Variants in RAB20 observed in about 807,000 individuals in gnomAD.
The protein encoded by RAB20 is RAB20, member RAS oncogene family.
RAB20 carries 2 observed loss-of-function variants against 3.7 expected under a neutral mutation model. That is an observed-to-expected ratio of 0.54 (90% confidence interval 0.22 to 1.69). RAB20 has a LOEUF of 1.69. RAB20 is among the 40% of genes most tolerant of loss of function. The probability of loss-of-function intolerance (pLI) is 0.19; values close to 1 mark genes in which losing one functional copy is unlikely to be tolerated. For synonymous variants in RAB20, 126 were observed against 130.8 expected (o/e 0.96, Z 0.25); for missense variants, 276 against 311.9 (o/e 0.88, Z 0.87).
intron 1 of RAB20, among the ~76,000 whole-genome samples, chr13:110,527,900 T>TACACACACACACACACACAC (rs61582404): frequency 3.0e-4 from 42 of 138,214 alleles, no homozygotes; most frequent in East Asian, 6.7e-4. Flanking sequence ...TCTCTACAAA[T>TACACACACACACACACACAC]ACACACACAC....
chr13:110,524,104 A>G lies in RAB20; in HGVS notation c.266T>C (p.Val89Ala). 1 of 1,613,188 alleles carries G rather than the reference A, an allele frequency of 6.2e-7. No individual in the cohort carries two copies. Among genetic ancestry groups the G allele is most frequent in the Non-Finnish European group, 8.5e-7 (1 of 1,179,984 alleles). ...GCCCAGGAACCGGTCCTCCAGCTCC[A>G]CCAGGCTCTGCCGGTGATTCACATC... ...TYDVNHRQSL[V>A]ELEDRFLGLT... Residue 89 changes from valine (V) to alanine (A), a missense_variant, in exon 2 of 2, where the codon GTG (valine) becomes GCG (alanine). Coordinates refer to ENST00000267328, the MANE Select transcript of RAB20 (RefSeq NM_017817.3).
intron 1 of RAB20, among the ~76,000 whole-genome samples, chr13:110,548,158 G>T (rs1884887763): frequency 1.4e-5 from 2 of 148,132 alleles, no homozygotes; most frequent in African/African-American, 5.0e-5. Flanking sequence ...ACATCTTTTT[G>T]ATCCAACAAT....
intron 1 of RAB20, among the ~76,000 whole-genome samples, chr13:110,527,445 G>C (rs958811768): frequency 6.6e-6 from 1 of 152,188 alleles, no homozygotes; most frequent in African/African-American, 2.4e-5. Flanking sequence ...GCCCAGACCA[G>C]CTCCGGTAGG....
At chr13:110,553,446 A>G (rs1025114315) in intron 1 of RAB20, among the ~76,000 whole-genome samples, 1 of 152,218 alleles carries the variant, frequency 6.6e-6, no homozygotes, top group Non-Finnish European at 1.5e-5. Context: ...TCTCCTTTAC[A>G]CAACCCAACC....
intron 1 of RAB20, among the ~76,000 whole-genome samples, chr13:110,554,537 C>T (rs1170164815): frequency 6.6e-6 from 1 of 152,206 alleles, no homozygotes; most frequent in Non-Finnish European, 1.5e-5. Context: ...CTCAGACAGA[C>T]AGCAGTTCAC....
chr13:110,535,165 A>T (rs1435432969), intron 1 of RAB20, among the ~76,000 whole-genome samples: 1 of 152,218 alleles, frequency 6.6e-6, no homozygotes, highest in Non-Finnish European at 1.5e-5. Flanking sequence ...GAGATGGAGA[A>T]TGTAGTGAGA....
chr13:110,529,465 C>G (rs994531677), intron 1 of RAB20, among the ~76,000 whole-genome samples: 3 of 152,194 alleles, frequency 2.0e-5, no homozygotes, highest in Non-Finnish European at 4.4e-5. Context: ...AATCGTGAAG[C>G]CAAAGCACTG....
intron 1 of RAB20, among the ~76,000 whole-genome samples, chr13:110,557,042 T>G (rs1411867329): frequency 6.6e-6 from 1 of 152,128 alleles, no homozygotes; most frequent in Admixed American, 6.5e-5. Context: ...TGAACAGCCC[T>G]GCTGGTGAGG....
intron 1 of RAB20, among the ~76,000 whole-genome samples, chr13:110,540,006 T>C (rs527854574): frequency 6.6e-6 from 1 of 152,382 alleles, no homozygotes; most frequent in Non-Finnish European, 1.5e-5. Context: ...GTTCCACCTG[T>C]GGCCCACTAC....
chr13:110,524,584 C>T (rs967268345), intron 1 of RAB20, among the ~76,000 whole-genome samples: 3 of 152,198 alleles, frequency 2.0e-5, no homozygotes, highest in Non-Finnish European at 4.4e-5. Flanking sequence ...TGCCAAGGCC[C>T]TTGCTGAGAT....
intron 1 of RAB20, among the ~76,000 whole-genome samples, chr13:110,526,314 T>C (rs561276805): frequency 2.0e-5 from 3 of 152,358 alleles, no homozygotes; most frequent in Non-Finnish European, 2.9e-5. Flanking sequence ...CCAGGCCCCA[T>C]TCCAATCCCT....
intron 1 of RAB20, among the ~76,000 whole-genome samples, chr13:110,530,649 G>C (rs9515243): frequency 4.4e-5 from 1 of 22,674 alleles, no homozygotes; most frequent in Non-Finnish European, 7.8e-5. Flanking sequence ...GGTCCCACCC[G>C]CCCCACCTCT....
rs112495792 is a variant in RAB20 at position 110,533,640 on chromosome 13, T to A, written c.173-9443A>T. Reference sequence around the variant, plus strand: ...GAGGTTGGGCTGCAGTGAGCTGGGATACTGCCACTGCACTCTAGCCCGGGC... The same window carrying A: ...GAGGTTGGGCTGCAGTGAGCTGGGAAACTGCCACTGCACTCTAGCCCGGGC... On this transcript the variant is annotated intron_variant, in intron 1 of 1. Coordinates refer to ENST00000267328, the MANE Select transcript of RAB20 (RefSeq NM_017817.3). Among the ~76,000 whole-genome samples, 889 of 152,298 alleles carry A rather than the reference T, an allele frequency of 5.8e-3. 10 individuals carry two copies. Among genetic ancestry groups the A allele is most frequent in the African/African-American group, 0.02 (847 of 41,566 alleles).
intron 1 of RAB20, among the ~76,000 whole-genome samples, chr13:110,539,855 C>T (rs922378701): frequency 3.9e-5 from 6 of 152,182 alleles, no homozygotes; most frequent in Admixed American, 6.5e-5. Flanking sequence ...CCACCGCGCC[C>T]GGCCACATCA....
intron 1 of RAB20, among the ~76,000 whole-genome samples, chr13:110,549,613 C>T (rs1481876876): frequency 6.6e-6 from 1 of 152,248 alleles, no homozygotes; most frequent in Non-Finnish European, 1.5e-5. Flanking sequence ...GAGGGTCCTG[C>T]CCCATACCCT....
intron 1 of RAB20, among the ~76,000 whole-genome samples, chr13:110,534,317 C>T (rs775337981): frequency 1.8e-4 from 28 of 152,212 alleles, no homozygotes; most frequent in Non-Finnish European, 2.6e-4. Context: ...GCCTTATTCA[C>T]GTGGACTGCT....
rs898100762 is a variant in RAB20, at chr13:110,536,085, G to T, written c.173-11888C>A. Among the ~76,000 whole-genome samples, 3 of 152,136 alleles carry T rather than the reference G, an allele frequency of 2.0e-5. No individual in the cohort carries two copies. In the South Asian group the frequency reaches 6.2e-4, roughly 32 times the overall value. On this transcript the variant is annotated intron_variant, in intron 1 of 1. Transcript: ENST00000267328. ...AGAGAAGACACCCGGAGACACAGGG[G>T]CAAAGACGATGTGAAGGCAGACCCC...
intron 1 of RAB20, among the ~76,000 whole-genome samples, chr13:110,542,929 T>C (rs59490652): frequency 0.026 from 3,958 of 152,314 alleles, 181 homozygotes; most frequent in African/African-American, 0.089. Flanking sequence ...TGCGGGGTTC[T>C]CTTGTCTCCA....
chr13:110,533,448 T>G (rs1884580969), intron 1 of RAB20, among the ~76,000 whole-genome samples: 1 of 152,116 alleles, frequency 6.6e-6, no homozygotes, highest in Admixed American at 6.5e-5. Flanking sequence ...TTCAGAAGGC[T>G]GATGTGGGAG....
Sources: gnomAD v4.1 joint callset for allele counts (sites outside exome capture counted in the v4.1 genomes callset) on GRCh38, gnomAD v4.1.1 for gene constraint, MANE v1.5 for transcripts, NCBI Gene and HGNC (gene_info 2026-07-23, HGNC 2026-07-21) for gene names.